HERC1: variants seen among roughly 807,000 people sequenced by gnomAD.
HERC1 encodes the protein HECT and RLD domain containing E3 ubiquitin protein ligase family member 1.
In HERC1, 160 loss-of-function variants were observed where a neutral mutation model predicts 554.3. The observed-to-expected ratio is 0.29, with a 90% CI of 0.25 to 0.33. The LOEUF is 0.33. HERC1 is among the 10% of genes least tolerant of loss of function. HERC1 has a pLI of 1.00. For synonymous variants in HERC1, 2,175 were observed against 2,131.7 expected (o/e 1.02, Z -0.56); for missense variants, 4,919 against 5,918.5 (o/e 0.83, Z 5.54).
intron 45 of HERC1, 69 bp from the exon 46 acceptor site, chr15:63,661,094 CA>C: frequency 9.1e-7 from 1 of 1,101,722 alleles, no homozygotes; most frequent in Admixed American, 1.7e-5. Flanking sequence ...CAAATTAAGT[CA>C]TTAGAACATT....
At chr15:63,818,815 TAA>T (rs1276700548) in intron 1 of HERC1, among the ~76,000 whole-genome samples, 5 of 152,228 alleles carry the variant, frequency 3.3e-5, no homozygotes, top group African/African-American at 1.2e-4. Context: ...TTTCAACTTC[TAA>T]AGAGTAAAGT....
rs1471631112 is a variant in HERC1 at position 63,649,847 on chromosome 15, C to A, written c.10625G>T (p.Trp3542Leu). Residue 3542 changes from tryptophan to leucine, a missense_variant, in exon 54 of 78, where the codon TGG becomes TTG. By Grantham distance (61) the Trp-to-Leu change is moderately conservative. Coordinates refer to ENST00000443617, the MANE Select transcript of HERC1 (RefSeq NM_003922.4). ...CAACAATTCTGGAGACTCTCCTGAC[C>A]AGGCTGTAGCCGGACCCTCTTCTGG... is the stretch of plus-strand genomic sequence containing the variant. Reference protein sequence around the residue: ...AWPEEGPATAWSGESPELLLV... With the variant: ...AWPEEGPATALSGESPELLLV... 6.2e-7 allele frequency: 1 copy of A among 1,612,936 alleles called. No homozygotes were observed.
At chr15:63,683,031 G>C (rs953639557) in intron 34 of HERC1, among the ~76,000 whole-genome samples, 1 of 151,420 alleles carries the variant, frequency 6.6e-6, no homozygotes, top group Non-Finnish European at 1.5e-5. Flanking sequence ...ACCTATTCGG[G>C]AGGCTGAGGC....
chr15:63,706,289 A>C (rs538923599), intron 25 of HERC1, among the ~76,000 whole-genome samples: 2 of 150,338 alleles, frequency 1.3e-5, no homozygotes, highest in Admixed American at 6.6e-5. Context: ...GAGATAAAGC[A>C]TCTCTTACAT....
Position 63,745,471 on chromosome 15 carries a change from T to C in HERC1, c.2520+1447A>G, listed in dbSNP as rs560093522. ...GCAGTTCCCCTCTGGCTAGGGTTGGTTTAAATGCTCCCTCTGTGCACAGGT... is the reference window on the plus strand; with the variant it reads ...GCAGTTCCCCTCTGGCTAGGGTTGGCTTAAATGCTCCCTCTGTGCACAGGT... On this transcript the variant is annotated intron_variant, in intron 12 of 77. Coordinates refer to ENST00000443617, the MANE Select transcript of HERC1 (RefSeq NM_003922.4). Among the ~76,000 whole-genome samples, 8 of 152,310 alleles carry C rather than the reference T, an allele frequency of 5.3e-5. No homozygotes were observed. The East Asian group carries it at 1.5e-3, about 29-fold the overall frequency.
rs551403933 is a variant in HERC1 at position 63,692,584 on chromosome 15, G to C, written c.5675-18C>G. Reference sequence around the variant, plus strand: ...AAGAGCAGCTACAGTGAAGAGACAAGTTTACGTTACAACCAAGAGCCAACA... The same window carrying C: ...AAGAGCAGCTACAGTGAAGAGACAACTTTACGTTACAACCAAGAGCCAACA... On this transcript the variant is annotated intron_variant, in intron 30 of 77. Transcript: ENST00000443617. The surrounding 1 kb of genome is among the most constrained non-coding windows in gnomAD (Gnocchi z 4.7). 42 of 1,579,990 alleles carry C rather than the reference G, an allele frequency of 2.7e-5. No homozygotes were observed. The East Asian group carries it at 4.3e-4, about 16-fold the overall frequency.
In HERC1 at chr15:63,727,981, T is replaced by G. The variant is rs2074105992; in HGVS notation, c.3155-143A>C. On this transcript the variant is annotated intron_variant, in intron 16 of 77. Coordinates refer to ENST00000443617, the MANE Select transcript of HERC1 (RefSeq NM_003922.4). This position sits in a 1 kb window ranked among gnomAD's most constrained non-coding sequence, Gnocchi z 4.3. Reference sequence around the variant, plus strand: ...TTGAACACCTACCTGGTAGCTGATGTAGTATCAGTGTTTATTCACTTTCAG... The same window carrying G: ...TTGAACACCTACCTGGTAGCTGATGGAGTATCAGTGTTTATTCACTTTCAG... 1.6e-6 allele frequency: 1 copy of G among 622,556 alleles called. No individual in the cohort carries two copies. The highest frequency in any genetic ancestry group is 1.8e-5 in the African/African-American group (1 of 54,354). 38.6% of individuals were successfully genotyped at this position (622,556 alleles called of 1,614,324 possible).
At chr15:63,717,156 A>G (rs1467813872) in intron 21 of HERC1, among the ~76,000 whole-genome samples, 1 of 152,236 alleles carries the variant, frequency 6.6e-6, no homozygotes, top group Non-Finnish European at 1.5e-5. Context: ...CATGACCATT[A>G]AATAATTTAA....
intron 1 of HERC1, among the ~76,000 whole-genome samples, chr15:63,793,072 G>C (rs1296188991): frequency 1.3e-5 from 2 of 152,204 alleles, no homozygotes; most frequent in Non-Finnish European, 2.9e-5. Context: ...CAGGATATGG[G>C]GCAAGGGGCC....
chr15:63,684,188 A>G (rs961976653), intron 34 of HERC1, among the ~76,000 whole-genome samples: 4 of 152,216 alleles, frequency 2.6e-5, no homozygotes, highest in African/African-American at 9.6e-5. Flanking sequence ...ATGTCCCAAC[A>G]TGTTAAGCTT....
chr15:63,741,679 G>A (rs562208207), intron 12 of HERC1, among the ~76,000 whole-genome samples: 1 of 152,262 alleles, frequency 6.6e-6, no homozygotes, highest in African/African-American at 2.4e-5. Context: ...TGTATATGAT[G>A]TAAGGGGCCA....
chr15:63,718,095 C>CAA lies in HERC1; in HGVS notation c.3978+478_3978+479insTT, dbSNP rs2073647068. ...GCAGCTATTATGTGACACACACACACACACACACACACACACACACACACA... is the reference window on the plus strand; with the variant it reads ...GCAGCTATTATGTGACACACACACACAAACACACACACACACACACACACACA... On this transcript the variant is annotated intron_variant, in intron 21 of 77. Transcript: ENST00000443617. This position sits in a 1 kb window ranked among gnomAD's most constrained non-coding sequence, Gnocchi z 4.2. Among the ~76,000 whole-genome samples, 3 of 100,868 alleles carry CAA rather than the reference C, an allele frequency of 3.0e-5. No homozygotes were observed. The highest frequency in any genetic ancestry group is 2.1e-4 in the Admixed American group (2 of 9,730). 66.2% of individuals were successfully genotyped at this position (100,868 alleles called of 152,430 possible).
At chr15:63,729,108 A>C (rs2074166630) in intron 16 of HERC1, 128 bp downstream of exon 16, 8 of 853,828 alleles carry the variant, frequency 9.4e-6, no homozygotes, top group Non-Finnish European at 1.4e-5. Flanking sequence ...GACTAAAGGA[A>C]TCTTCAATAG....
At chr15:63,798,219 A>T (rs557604289) in intron 1 of HERC1, among the ~76,000 whole-genome samples, 2 of 152,344 alleles carry the variant, frequency 1.3e-5, no homozygotes, top group African/African-American at 4.8e-5. Context: ...GCTCCCTGAT[A>T]GCAGGTTCTC....
rs2077957656 is a variant in HERC1 at position 63,826,914 on chromosome 15, A to G, written c.-27+6913T>C. Among the ~76,000 whole-genome samples the G allele has an allele frequency of 2.0e-5, 3 of 146,888 alleles. No individual in the cohort carries two copies. In the Admixed American group the frequency reaches 2.1e-4, roughly 10 times the overall value. On this transcript the variant is annotated intron_variant, in intron 1 of 77. Coordinates refer to ENST00000443617, the MANE Select transcript of HERC1 (RefSeq NM_003922.4). ...AGAATGCAAATTGGTATACTTGTGG[A>G]GGAAAATCTGGAATTTGGGAATATC...
intron 1 of HERC1, among the ~76,000 whole-genome samples, chr15:63,787,865 C>T (rs375911709): frequency 6.7e-6 from 1 of 149,036 alleles, no homozygotes; most frequent in Non-Finnish European, 1.5e-5. Flanking sequence ...GGGAGGCATA[C>T]TGGGGAGGCC....
chr15:63,638,491 C>A lies in HERC1; in HGVS notation c.12013G>T (p.Gly4005Cys). Residue 4005 changes from glycine (G) to cysteine (C), a missense_variant, in exon 63 of 78, where the codon GGT becomes TGT. Gly to Cys is a radical substitution (Grantham distance 159, BLOSUM62 -3). Coordinates refer to ENST00000443617, the MANE Select transcript of HERC1 (RefSeq NM_003922.4). Reference protein sequence around the residue: ...GKCDVYLWGAGRHGQLAEAGR... With the variant: ...GKCDVYLWGACRHGQLAEAGR... ...GCTTCTGCCAGCTGTCCATGCCTACCAGCACCCCATAAGTAGACATCACAT... is the reference window on the plus strand; with the variant it reads ...GCTTCTGCCAGCTGTCCATGCCTACAAGCACCCCATAAGTAGACATCACAT... 6.2e-7 allele frequency: 1 copy of A among 1,613,808 alleles called. No individual in the cohort carries two copies. Among genetic ancestry groups the A allele is most frequent in the Non-Finnish European group, 8.5e-7 (1 of 1,179,780 alleles).
intron 2 of HERC1, among the ~76,000 whole-genome samples, chr15:63,767,638 C>T (rs1245845058): frequency 6.6e-6 from 1 of 152,090 alleles, no homozygotes; most frequent in Non-Finnish European, 1.5e-5. Flanking sequence ...GCGGAGGCTG[C>T]AGTCAGCCGA....
At chr15:63,699,342 T>C (rs2072599465) in intron 25 of HERC1, among the ~76,000 whole-genome samples, 1 of 152,220 alleles carries the variant, frequency 6.6e-6, no homozygotes, top group South Asian at 2.1e-4. Flanking sequence ...TCATCATTTA[T>C]GAACAAAAAG....
Sources: gnomAD v4.1 joint callset for allele counts (sites outside exome capture counted in the v4.1 genomes callset) on GRCh38, gnomAD v4.1.1 for gene constraint, Gnocchi (gnomAD v3.1) non-coding constraint, MANE v1.5 for transcripts, NCBI Gene and HGNC (gene_info 2026-07-23, HGNC 2026-07-21) for gene names.